MAN2A1: variants seen among roughly 807,000 people sequenced by gnomAD.
MAN2A1 encodes the protein mannosidase alpha class 2A member 1.
In MAN2A1, 76 loss-of-function variants were observed where a neutral mutation model predicts 142.6. The ratio of observed to expected loss-of-function variants is 0.53; its 90% CI spans 0.44 to 0.65. MAN2A1 has a LOEUF of 0.65. Ranked by LOEUF, MAN2A1 falls within the 30% of genes least tolerant of loss-of-function variation. The pLI is 0.00. For missense variants in MAN2A1, 1,311 were observed against 1,365.1 expected (o/e 0.96, Z 0.62); for synonymous variants, 559 against 473.2 (o/e 1.18, Z -2.35).
chr5:109,752,261 T>A (rs1046959073), intron 4 of MAN2A1, among the ~76,000 whole-genome samples: 1 of 152,212 alleles, frequency 6.6e-6, no homozygotes, highest in African/African-American at 2.4e-5. Context: ...CCTAGATAAT[T>A]GAAACTTCAT....
chr5:109,691,957 C>T (rs938863010), intron 1 of MAN2A1, among the ~76,000 whole-genome samples: 1 of 152,184 alleles, frequency 6.6e-6, no homozygotes, highest in African/African-American at 2.4e-5. Context: ...GTTGAAATTA[C>T]TGTAATTTTT....
At chr5:109,825,254 T>G (rs1754726169) in intron 16 of MAN2A1, among the ~76,000 whole-genome samples, 1 of 152,228 alleles carries the variant, frequency 6.6e-6, no homozygotes, top group Admixed American at 6.5e-5. Context: ...GAAGATATGC[T>G]GATCTATTTT....
Position 109,800,680 on chromosome 5 carries a change from G to C in MAN2A1, c.1943+11153G>C, listed in dbSNP as rs541612274. Among the ~76,000 whole-genome samples the C allele has an allele frequency of 2.0e-5, 3 of 152,290 alleles. No individual in the cohort carries two copies. The South Asian group carries it at 6.2e-4, about 32-fold the overall frequency. ...ATTTCTTTTTGTAATAGAGAACATA[G>C]GGCTGGTAAATTCTGGGATTTTAAC... On this transcript the variant is annotated intron_variant, in intron 12 of 21. Transcript: ENST00000261483.
chr5:109,764,826 A>G (rs1752947384), intron 5 of MAN2A1, among the ~76,000 whole-genome samples: 1 of 152,156 alleles, frequency 6.6e-6, no homozygotes, highest in Admixed American at 6.5e-5. Flanking sequence ...TTATTTGGAC[A>G]ATACATACTC....
chr5:109,789,998 T>C (rs997914371), intron 12 of MAN2A1, among the ~76,000 whole-genome samples: 4 of 151,878 alleles, frequency 2.6e-5, no homozygotes, highest in African/African-American at 7.2e-5. Flanking sequence ...TTTAGCACTA[T>C]TGATTTATGC....
intron 1 of MAN2A1, among the ~76,000 whole-genome samples, chr5:109,700,281 GTTT>G (rs5870385): frequency 6.1e-5 from 8 of 131,426 alleles, no homozygotes; most frequent in Admixed American, 7.5e-5. Context: ...AGTTTTGCCG[GTTT>G]TTTTTTTTTT....
chr5:109,869,384 C>G lies in MAN2A1; in HGVS notation c.*2386C>G, dbSNP rs1755957987. 1 of 152,178 alleles carries G rather than the reference C, an allele frequency of 6.6e-6. No individual in the cohort carries two copies. The highest frequency in any genetic ancestry group is 1.5e-5 in the Non-Finnish European group (1 of 68,030). The allele number at this position is 152,178 out of a possible 1,614,324, so 9.4% of individuals were successfully genotyped here. ...TCAGCATCCTTGTTTTCTACAAATACTGATTAAAATAAAATGCTGTAAAAT... is the reference window on the plus strand; with the variant it reads ...TCAGCATCCTTGTTTTCTACAAATAGTGATTAAAATAAAATGCTGTAAAAT... On this transcript the variant is annotated 3_prime_UTR_variant, in exon 22 of 22. Transcript: ENST00000261483.
intron 4 of MAN2A1, among the ~76,000 whole-genome samples, chr5:109,733,069 G>T (rs1208821821): frequency 1.3e-5 from 2 of 152,078 alleles, no homozygotes; most frequent in Non-Finnish European, 2.9e-5. Context: ...TCCTTGAAGA[G>T]GTCCTTCACA....
intron 3 of MAN2A1, among the ~76,000 whole-genome samples, chr5:109,728,235 C>T (rs1020704529): frequency 6.6e-6 from 1 of 152,124 alleles, no homozygotes; most frequent in African/African-American, 2.4e-5. Flanking sequence ...CTTCTCTGCC[C>T]TGGCAGGCTT....
intron 8 of MAN2A1, among the ~76,000 whole-genome samples, chr5:109,778,556 C>T (rs1485820206): frequency 6.6e-6 from 1 of 152,040 alleles, no homozygotes; most frequent in Non-Finnish European, 1.5e-5. Flanking sequence ...TGACCAGATA[C>T]TAAATTTTAT....
intron 19 of MAN2A1, 66 bp downstream of exon 19, chr5:109,847,856 G>A: frequency 8.1e-7 from 1 of 1,236,574 alleles, no homozygotes. Flanking sequence ...TTGAAATTAT[G>A]ACTTTCCACT....
At chr5:109,782,114 A>G (rs1286651158) in intron 9 of MAN2A1, among the ~76,000 whole-genome samples, 1 of 152,202 alleles carries the variant, frequency 6.6e-6, no homozygotes, top group Non-Finnish European at 1.5e-5. Flanking sequence ...TATTTGAAGC[A>G]CATTTCTATA....
intron 20 of MAN2A1, chr5:109,864,056 T>G (rs1201459542): frequency 6.6e-6 from 1 of 152,156 alleles, no homozygotes; most frequent in African/African-American, 2.4e-5. Flanking sequence ...AGATGTCTCT[T>G]TAGTACATTA....
intron 11 of MAN2A1, 37 bp downstream of exon 11, chr5:109,789,085 T>A (rs780816283): frequency 9.3e-6 from 10 of 1,074,964 alleles, no homozygotes; most frequent in Non-Finnish European, 1.4e-5. Context: ...TAAAAATGTG[T>A]AATTCCATTG....
chr5:109,842,695 A>G (rs1432703168), intron 17 of MAN2A1, among the ~76,000 whole-genome samples: 4 of 152,126 alleles, frequency 2.6e-5, no homozygotes, highest in Non-Finnish European at 5.9e-5. Context: ...TTCAAAGGGT[A>G]AATTTGGTGA....
rs1470769893 is a variant in MAN2A1, at chr5:109,820,214, C to A, written c.2329-6C>A. 1 of 1,597,662 alleles carries A rather than the reference C, an allele frequency of 6.3e-7. No individual in the cohort carries two copies. The highest frequency in any genetic ancestry group is 8.5e-7 in the Non-Finnish European group (1 of 1,170,482). On this transcript the variant is annotated splice_polypyrimidine_tract_variant and splice_region_variant and intron_variant, in intron 14 of 21. Transcript: ENST00000261483. ...GTTGCTTATTATTATTTTTTTTAATCTTTAGCAAATGATGACTAAAGAAGA... is the reference window on the plus strand; with the variant it reads ...GTTGCTTATTATTATTTTTTTTAATATTTAGCAAATGATGACTAAAGAAGA...
At chr5:109,737,534 T>A (rs1752139655) in intron 4 of MAN2A1, among the ~76,000 whole-genome samples, 1 of 151,974 alleles carries the variant, frequency 6.6e-6, no homozygotes, top group Non-Finnish European at 1.5e-5. Context: ...GAATATAGAG[T>A]TTGGTATCTG....
At chr5:109,828,438 C>G (rs1580294831) in intron 16 of MAN2A1, among the ~76,000 whole-genome samples, 1 of 152,302 alleles carries the variant, frequency 6.6e-6, no homozygotes, top group South Asian at 2.1e-4. Context: ...ACTGCACCTA[C>G]AAGGAAAGTA....
intron 15 of MAN2A1, among the ~76,000 whole-genome samples, chr5:109,821,563 A>G (rs1459032688): frequency 6.6e-6 from 1 of 152,178 alleles, no homozygotes; most frequent in Non-Finnish European, 1.5e-5. Flanking sequence ...GATTAACTCT[A>G]AAATCCCACT....
Sources: gnomAD v4.1 joint callset for allele counts (sites outside exome capture counted in the v4.1 genomes callset) on GRCh38, gnomAD v4.1.1 for gene constraint, MANE v1.5 for transcripts, NCBI Gene and HGNC (gene_info 2026-07-23, HGNC 2026-07-21) for gene names.